AGXT2: variants seen among roughly 807,000 people sequenced by gnomAD.
AGXT2 encodes alanine--glyoxylate aminotransferase 2.
In AGXT2, 61 loss-of-function variants were observed where a neutral mutation model predicts 62.5. The observed-to-expected ratio is 0.98, with a 90% CI of 0.79 to 1.21. The LOEUF (loss-of-function observed/expected upper bound fraction) is 1.21, where lower values mean the gene tolerates loss of function less well. Among genes scored for constraint, AGXT2 ranks in the 50% most tolerant of loss-of-function variants. The pLI, the probability that AGXT2 is intolerant of heterozygous loss-of-function variation, is 0.00. For synonymous variants in AGXT2, 243 were observed against 218.7 expected, an observed-to-expected ratio of 1.11 and a Z score of -0.98; for missense variants, 666 against 641.5, an observed-to-expected ratio of 1.04 and a Z score of -0.41.
At chr5:35,017,267 T>A (rs1447394586) in intron 9 of AGXT2, among the ~76,000 whole-genome samples, 2 of 152,194 alleles carry the variant, frequency 1.3e-5, no homozygotes, top group Non-Finnish European at 2.9e-5. Context: ...GACCTATTCC[T>A]ACTAACGGCA....
At chr5:35,021,765 C>A (rs1284159468) in intron 9 of AGXT2, among the ~76,000 whole-genome samples, 2 of 151,732 alleles carry the variant, frequency 1.3e-5, no homozygotes, top group African/African-American at 4.8e-5. Context: ...GCAAAAGAAA[C>A]TACCATCAGA....
At chr5:35,005,464 A>G (rs1385815078) in intron 12 of AGXT2, among the ~76,000 whole-genome samples, 1 of 152,060 alleles carries the variant, frequency 6.6e-6, no homozygotes, top group Non-Finnish European at 1.5e-5. Flanking sequence ...CCTGACCTCA[A>G]GTGATCCACC....
chr5:35,025,387 A>G (rs1767294585), intron 9 of AGXT2, among the ~76,000 whole-genome samples: 1 of 152,204 alleles, frequency 6.6e-6, no homozygotes, highest in Non-Finnish European at 1.5e-5. Context: ...AAAATAACCA[A>G]ACAAATAAAA....
chr5:35,024,143 T>C (rs1260792206), intron 9 of AGXT2, among the ~76,000 whole-genome samples: 2 of 152,126 alleles, frequency 1.3e-5, no homozygotes, highest in Non-Finnish European at 2.9e-5. Flanking sequence ...CCGGCCTGCC[T>C]CAGCATCCCA....
chr5:35,043,852 G>A (rs1311527385), intron 1 of AGXT2, among the ~76,000 whole-genome samples: 1 of 152,060 alleles, frequency 6.6e-6, no homozygotes, highest in Non-Finnish European at 1.5e-5. Context: ...CACCACACCC[G>A]GCTAGTGTTT....
At chr5:34,998,894 C>CT in intron 13 of AGXT2, 68 bp from the exon 14 acceptor site, 1 of 1,215,494 alleles carries the variant, frequency 8.2e-7, no homozygotes, top group Non-Finnish European at 1.2e-6. Flanking sequence ...AGGAAATGCA[C>CT]TAAACTAAAA....
rs765276584 is a variant in AGXT2 at position 35,039,474 on chromosome 5, T to A, written c.212A>T (p.Lys71Met). The stretch of plus-strand genomic sequence containing the variant: ...CGTCACCACAGGAGAAAGATGTTCC[T>A]TGTGGATTTCCAGGACACGGTTGTA... Reference protein sequence around the residue: ...LGYNRVLEIHKEHLSPVVTAY... With the variant: ...LGYNRVLEIHMEHLSPVVTAY... Residue 71 changes from lysine (K) to methionine (M), a missense_variant, in exon 3 of 14, where the codon AAG (lysine) becomes ATG (methionine). By Grantham distance (95) the Lys-to-Met change is moderately conservative (BLOSUM62 -1). Transcript: ENST00000231420. 31 of 1,613,912 alleles carry A rather than the reference T, an allele frequency of 1.9e-5. 1 individual carries two copies. In the South Asian group the frequency reaches 3.4e-4, roughly 18 times the overall value.
Position 34,998,106 on chromosome 5 carries a change from G to A in AGXT2, c.*613C>T, listed in dbSNP as rs1766097263. 6.4e-6 allele frequency: 1 copy of A among 155,142 alleles called. No individual in the cohort carries two copies. The highest frequency in any genetic ancestry group is 6.2e-5 in the Admixed American group (1 of 16,050). 9.6% of individuals were successfully genotyped at this position (155,142 alleles called of 1,614,324 possible). On this transcript the variant is annotated 3_prime_UTR_variant, in exon 14 of 14. Transcript: ENST00000231420. ...GTGAAAAATAAAAAAGCCTTATACA[G>A]AACAATGAATTTATTACCTCAAATA...
intron 13 of AGXT2, among the ~76,000 whole-genome samples, chr5:34,999,923 G>C (rs968585024): frequency 3.9e-5 from 6 of 152,036 alleles, no homozygotes; most frequent in African/African-American, 1.4e-4. Context: ...CTTCCCCTTA[G>C]CCTATAAACA....
At chr5:35,042,862 G>GT (rs1561236675) in intron 1 of AGXT2, among the ~76,000 whole-genome samples, 1 of 151,866 alleles carries the variant, frequency 6.6e-6, no homozygotes, top group East Asian at 1.9e-4. Context: ...TATTTGTTTT[G>GT]TTTTGTCTTA....
chr5:35,019,462 T>A (rs1220095835), intron 9 of AGXT2, among the ~76,000 whole-genome samples: 1 of 151,388 alleles, frequency 6.6e-6, no homozygotes, highest in African/African-American at 2.4e-5. Flanking sequence ...AACAACCTGC[T>A]CCTGAATGAC....
At chr5:35,019,594 T>C (rs570250399) in intron 9 of AGXT2, among the ~76,000 whole-genome samples, 9 of 152,300 alleles carry the variant, frequency 5.9e-5, no homozygotes, top group African/African-American at 2.2e-4. Context: ...GGGAAACTTA[T>C]AGCACTAAAT....
At chr5:35,012,131 T>G (rs539228358) in intron 11 of AGXT2, among the ~76,000 whole-genome samples, 15 of 152,084 alleles carry the variant, frequency 9.9e-5, no homozygotes, top group Non-Finnish European at 1.6e-4. Context: ...TTGGGTACAA[T>G]GTACACTACT....
intron 11 of AGXT2, 117 bp from the exon 12 acceptor site, chr5:35,010,266 C>T: frequency 1.5e-6 from 2 of 1,303,556 alleles, no homozygotes; most frequent in Admixed American, 1.7e-5. Context: ...GAATGCAGAA[C>T]AAGTCTAGTG....
chr5:35,002,612 A>C (rs1040957758), intron 13 of AGXT2, among the ~76,000 whole-genome samples: 1 of 152,204 alleles, frequency 6.6e-6, no homozygotes, highest in Admixed American at 6.5e-5. Context: ...CCCCTTCTGC[A>C]ATGTGAGGTC....
chr5:35,047,826 C>G lies in AGXT2; in HGVS notation c.67G>C (p.Glu23Gln). The stretch of plus-strand genomic sequence containing the variant: ...TTACGGCTCAGGAAAGGATGCATCT[C>G]AAGGATCCTGGGAGCGGAAGTGACC... The part of the protein sequence containing the change: ...CLVTSAPRIL[E>Q]MHPFLSLGTS... Residue 23 changes from glutamate (E) to glutamine (Q), a missense_variant, in exon 1 of 14, where the codon GAG (glutamate) becomes CAG (glutamine). Transcript: ENST00000231420. The G allele has an allele frequency of 6.2e-7, 1 of 1,614,050 alleles. No homozygotes were observed. The highest frequency in any genetic ancestry group is 1.6e-4 in the Middle Eastern group (1 of 6,062).
chr5:35,024,093 A>G (rs1030206462), intron 9 of AGXT2, among the ~76,000 whole-genome samples: 2 of 152,080 alleles, frequency 1.3e-5, no homozygotes, highest in Non-Finnish European at 1.5e-5. Flanking sequence ...GTGTTTCACC[A>G]TGTTGGCTGG....
At chr5:34,999,260 C>T (rs1380192396) in intron 13 of AGXT2, among the ~76,000 whole-genome samples, 2 of 152,186 alleles carry the variant, frequency 1.3e-5, no homozygotes, top group African/African-American at 2.4e-5. Context: ...CTCCTCTTCA[C>T]CAGGAACAAC....
chr5:35,040,013 T>C (rs1005402575), intron 2 of AGXT2, among the ~76,000 whole-genome samples: 2 of 152,040 alleles, frequency 1.3e-5, no homozygotes, highest in Non-Finnish European at 2.9e-5. Context: ...AAGTATCATG[T>C]CGAATAAAGG....
Sources: gnomAD v4.1 joint callset for allele counts (sites outside exome capture counted in the v4.1 genomes callset) on GRCh38, gnomAD v4.1.1 for gene constraint, MANE v1.5 for transcripts, NCBI Gene and HGNC (gene_info 2026-07-23, HGNC 2026-07-21) for gene names.